The following AKT3 variants were observed in gnomAD, a reference collection of about 807,000 sequenced individuals.
AKT3 encodes RAC-gamma serine/threonine-protein kinase.
In AKT3, 15 loss-of-function variants were observed where a neutral mutation model predicts 65.3. The ratio of observed to expected loss-of-function variants is 0.23; its 90% CI spans 0.15 to 0.35. AKT3 has a LOEUF of 0.35. Among genes scored for constraint, AKT3 ranks in the 10% least tolerant of loss-of-function variants. AKT3 has a pLI of 1.00. For missense variants in AKT3, 243 were observed against 576.5 expected, an observed-to-expected ratio of 0.42 and a Z score of 5.92; for synonymous variants, 206 against 183.8, an observed-to-expected ratio of 1.12 and a Z score of -0.98.
At chr1:243,650,895 TG>T in intron 4 of AKT3, among the ~76,000 whole-genome samples, 1 of 152,340 alleles carries the variant, frequency 6.6e-6, no homozygotes, top group African/African-American at 2.4e-5. Flanking sequence ...GGCTATTTTT[TG>T]GTTCCATATG....
intron 2 of AKT3, among the ~76,000 whole-genome samples, chr1:243,799,117 G>T (rs1236300516): frequency 6.6e-6 from 1 of 151,980 alleles, no homozygotes; most frequent in East Asian, 1.9e-4. Context: ...TTACATCCTT[G>T]AGCTCTTTAT....
chr1:243,627,486 C>A (rs887822267), intron 6 of AKT3, among the ~76,000 whole-genome samples: 6 of 152,192 alleles, frequency 3.9e-5, no homozygotes, highest in African/African-American at 1.2e-4. Flanking sequence ...CTGCATTTAT[C>A]AGCTTACCAT....
chr1:243,845,826 T>C (rs1288330317), intron 1 of AKT3, among the ~76,000 whole-genome samples: 1 of 152,126 alleles, frequency 6.6e-6, no homozygotes, highest in East Asian at 1.9e-4. Context: ...TGGAATCCTC[T>C]AACAAGGTTC....
intron 12 of AKT3, among the ~76,000 whole-genome samples, chr1:243,527,825 C>A (rs1671211855): frequency 6.9e-6 from 1 of 145,702 alleles, no homozygotes; most frequent in African/African-American, 2.8e-5. Context: ...GTGATCGTGC[C>A]ACTGCACTCC....
chr1:243,702,106 A>T (rs1321716939), intron 2 of AKT3, among the ~76,000 whole-genome samples: 2 of 58,462 alleles, frequency 3.4e-5, no homozygotes, highest in Non-Finnish European at 7.9e-5. Flanking sequence ...CATAGAATTT[A>T]TGCAAAAAAA....
chr1:243,719,539 T>G (rs1321928352), intron 2 of AKT3, among the ~76,000 whole-genome samples: 1 of 152,162 alleles, frequency 6.6e-6, no homozygotes, highest in Non-Finnish European at 1.5e-5. Flanking sequence ...GTTGAGTGTA[T>G]CAGTGAAGGT....
At chr1:243,696,531 G>C (rs1685075058) in intron 2 of AKT3, among the ~76,000 whole-genome samples, 1 of 151,976 alleles carries the variant, frequency 6.6e-6, no homozygotes, top group African/African-American at 2.4e-5. Flanking sequence ...AGAGCTAGAA[G>C]GCTATCTGGT....
intron 2 of AKT3, among the ~76,000 whole-genome samples, chr1:243,829,556 A>T (rs975171991): frequency 2.0e-5 from 3 of 152,210 alleles, no homozygotes; most frequent in Non-Finnish European, 4.4e-5. Context: ...AAGAACATAA[A>T]ATTTATACAT....
chr1:243,583,929 A>G (rs1365183285), intron 8 of AKT3, among the ~76,000 whole-genome samples: 1 of 151,948 alleles, frequency 6.6e-6, no homozygotes, highest in African/African-American at 2.4e-5. Context: ...ACAAGAACAA[A>G]CTAACCCATA....
At chr1:243,531,639 T>C (rs901912488) in intron 12 of AKT3, among the ~76,000 whole-genome samples, 3 of 152,196 alleles carry the variant, frequency 2.0e-5, no homozygotes, top group Non-Finnish European at 4.4e-5. Context: ...TTTGAGTTGT[T>C]TTTTATTCTT....
intron 4 of AKT3, among the ~76,000 whole-genome samples, chr1:243,662,226 A>G (rs924143546): frequency 1.3e-5 from 2 of 152,174 alleles, no homozygotes; most frequent in South Asian, 2.1e-4. Context: ...AAAGGACTAT[A>G]AATCATGCTG....
At chr1:243,701,300 C>T (rs142140650) in intron 2 of AKT3, among the ~76,000 whole-genome samples, 1 of 152,248 alleles carries the variant, frequency 6.6e-6, no homozygotes, top group African/African-American at 2.4e-5. Context: ...ACAAATAGAT[C>T]ATGTTGATGA....
intron 2 of AKT3, among the ~76,000 whole-genome samples, chr1:243,798,393 A>ATTTTTATTT (rs1692167055): frequency 1.2e-5 from 1 of 83,310 alleles, no homozygotes; most frequent in Non-Finnish European, 2.1e-5. Context: ...CTAATTTTTA[A>ATTTTTATTT]TTTTTTTTTT....
At chr1:243,661,400 G>C (rs560000595) in intron 4 of AKT3, among the ~76,000 whole-genome samples, 1 of 150,370 alleles carries the variant, frequency 6.7e-6, no homozygotes, top group Admixed American at 6.6e-5. Flanking sequence ...CAGAAATGAC[G>C]CATATCTACA....
intron 3 of AKT3, among the ~76,000 whole-genome samples, chr1:243,693,245 T>G (rs1377706716): frequency 1.1e-4 from 2 of 17,446 alleles, no homozygotes; most frequent in African/African-American, 2.5e-4. Context: ...TACAATTTGA[T>G]ATATATATAT....
At chr1:243,566,681 C>G (rs535417323) in intron 9 of AKT3, among the ~76,000 whole-genome samples, 1 of 152,132 alleles carries the variant, frequency 6.6e-6, no homozygotes, top group South Asian at 2.1e-4. Context: ...TTAATTTCTA[C>G]GTGCTTCAAT....
chr1:243,787,202 C>A (rs570326154), intron 2 of AKT3, among the ~76,000 whole-genome samples: 1 of 152,130 alleles, frequency 6.6e-6, no homozygotes, highest in Non-Finnish European at 1.5e-5. Context: ...CAATTACACA[C>A]GTGAAACTTT....
intron 12 of AKT3, among the ~76,000 whole-genome samples, chr1:243,524,074 T>C (rs1381428958): frequency 1.3e-5 from 2 of 152,232 alleles, no homozygotes; most frequent in African/African-American, 4.8e-5. Flanking sequence ...CCTGTACACG[T>C]TACAGTGCTG....
intron 4 of AKT3, among the ~76,000 whole-genome samples, chr1:243,659,369 T>C (rs768205605): frequency 5.3e-5 from 8 of 152,180 alleles, no homozygotes; most frequent in Non-Finnish European, 1.2e-4. Context: ...TAGTTAACAA[T>C]ACTCTATTAT....
Sources: gnomAD v4.1 joint callset for allele counts (sites outside exome capture counted in the v4.1 genomes callset) on GRCh38, gnomAD v4.1.1 for gene constraint, MANE v1.5 for transcripts, NCBI Gene and HGNC (gene_info 2026-07-23, HGNC 2026-07-21) for gene names.